The following FAM153A variants were observed in gnomAD, a reference collection of about 807,000 sequenced individuals.
The protein encoded by FAM153A is protein FAM153A.
In FAM153A, 12 loss-of-function variants were observed where a neutral mutation model predicts 48.1. That is an observed-to-expected ratio of 0.25 (90% CI 0.16 to 0.40). The LOEUF (loss-of-function observed/expected upper bound fraction) is 0.40, where lower values mean the gene tolerates loss of function less well. FAM153A is among the 10% of genes least tolerant of loss of function. FAM153A has a pLI of 1.00. For synonymous variants in FAM153A, 36 were observed against 118.2 expected (o/e 0.30, Z 4.51); for missense variants, 111 against 345.8 (o/e 0.32, Z 5.38).
At chr5:177,736,978 C>A in intron 11 of FAM153A, 64 bp downstream of exon 13, 2 of 1,298,034 alleles carry the variant, frequency 1.5e-6, no homozygotes, top group Non-Finnish European at 2.1e-6. Flanking sequence ...CATCTTAATT[C>A]AATTGAAACA....
the FAM153A span, among the ~76,000 whole-genome samples, chr5:177,702,564 A>G: frequency 4.6e-5 from 7 of 151,876 alleles, no homozygotes; most frequent in African/African-American, 1.5e-4. Context: ...TAGCCAAGAC[A>G]ATGGGGGAAA....
upstream of FAM153A, among the ~76,000 whole-genome samples, chr5:177,754,647 G>A (rs535135163): frequency 1.4e-4 from 22 of 151,890 alleles, no homozygotes; most frequent in South Asian, 4.0e-3. Flanking sequence ...ACTTCCAGAG[G>A]AACAATCAGG....
intron 1 of FAM153A, among the ~76,000 whole-genome samples, chr5:177,766,230 CTA>C (rs1768751028): frequency 9.5e-6 from 1 of 105,234 alleles, no homozygotes; most frequent in Admixed American, 1.0e-4. Context: ...CTGCCACTTC[CTA>C]TATATAAAAA....
upstream of FAM153A, chr5:177,753,236 T>C (rs1767281450): frequency 4.4e-6 from 7 of 1,595,938 alleles, no homozygotes; most frequent in Non-Finnish European, 6.0e-6. Context: ...CTAAGCTGCG[T>C]TTACTGCCAA....
At chr5:177,764,173 C>A (rs1265697579) in intron 1 of FAM153A, among the ~76,000 whole-genome samples, 29 of 136,118 alleles carry the variant, frequency 2.1e-4, no homozygotes, top group African/African-American at 6.1e-4. Flanking sequence ...CTAGGCTGGG[C>A]CCAATGAAGA....
rs992739509 is a variant in FAM153A, at chr5:177,734,203, A to G, written c.760+177T>C. Reference sequence around the variant, plus strand: ...GAACACAGCTGCTCCCGGGGACTGCAGAATGTGGCCACTGTTTCTTATCTA... The same window carrying G: ...GAACACAGCTGCTCCCGGGGACTGCGGAATGTGGCCACTGTTTCTTATCTA... On this transcript the variant is annotated intron_variant, in intron 14 of 20. Coordinates refer to ENST00000614127, the Ensembl canonical transcript of FAM153A. Among the ~76,000 whole-genome samples the G allele has an allele frequency of 1.8e-4, 20 of 112,918 alleles. 2 individuals are homozygous for G. The highest frequency in any genetic ancestry group is 6.2e-4 in the African/African-American group (20 of 32,504). 74.1% of individuals were successfully genotyped at this position (112,918 alleles called of 152,430 possible). A position where few individuals can be genotyped will look rare whatever the true frequency, so the allele number is the denominator to read the frequency against.
intron 1 of FAM153A, among the ~76,000 whole-genome samples, chr5:177,771,748 G>C (rs1252162982): frequency 1.0e-5 from 1 of 96,930 alleles, no homozygotes; most frequent in Non-Finnish European, 2.1e-5. Context: ...CGGAATGTGG[G>C]TACATGTGAG....
At chr5:177,715,729 C>T (rs939702228) in intron 25 of FAM153A, among the ~76,000 whole-genome samples, 1 of 151,722 alleles carries the variant, frequency 6.6e-6, no homozygotes, top group Non-Finnish European at 1.5e-5. Context: ...GTTTTAGAGA[C>T]AGGGCCCACT....
At chr5:177,701,546 C>T in the FAM153A span, among the ~76,000 whole-genome samples, 3 of 151,542 alleles carry the variant, frequency 2.0e-5, no homozygotes, top group African/African-American at 7.3e-5. Context: ...GCCTGGGTGA[C>T]AGAGTGAGAC....
chr5:177,700,796 T>C, the FAM153A span, among the ~76,000 whole-genome samples: 1 of 151,828 alleles, frequency 6.6e-6, no homozygotes, highest in African/African-American at 2.4e-5. Context: ...AGCAAGACTC[T>C]GTCTCAAAAC....
At chr5:177,749,862 T>C (rs1021619575) in intron 2 of FAM153A, among the ~76,000 whole-genome samples, 2 of 141,118 alleles carry the variant, frequency 1.4e-5, no homozygotes, top group East Asian at 2.3e-4. Context: ...ATGGAAAACA[T>C]AGTCTTACCA....
the FAM153A span, among the ~76,000 whole-genome samples, chr5:177,694,270 G>A: frequency 0.092 from 13,650 of 148,760 alleles, 736 homozygotes; most frequent in African/African-American, 0.12. Context: ...TGGGTCAAAC[G>A]CTTCCACATG....
At chr5:177,700,491 A>G in the FAM153A span, among the ~76,000 whole-genome samples, 1 of 151,882 alleles carries the variant, frequency 6.6e-6, no homozygotes, top group Non-Finnish European at 1.5e-5. Context: ...AGGTTTCAGG[A>G]TACAGGACCA....
At position 177,739,057 on chromosome 5, in the gene FAM153A, A is replaced by T. The variant is rs560565734; in HGVS notation, c.562+56T>A. ...CAGAAAACGCAGGCAAGAACGTGTC[A>T]CCTTTCTCAACACTAAGATTTTTCC... On this transcript the variant is annotated intron_variant, in intron 10 of 20. Coordinates refer to ENST00000614127, the Ensembl canonical transcript of FAM153A. 17 of 1,581,976 alleles carry T rather than the reference A, an allele frequency of 1.1e-5. No homozygotes were observed. In the East Asian group the frequency reaches 3.6e-4, roughly 33 times the overall value.
chr5:177,734,031 C>T (rs1030579641), intron 14 of FAM153A, among the ~76,000 whole-genome samples: 8 of 115,012 alleles, frequency 7.0e-5, no homozygotes, highest in African/African-American at 2.3e-4. Context: ...ATGGAAATCT[C>T]TGTTGAGAAT....
chr5:177,718,604 C>CT (rs763244878), downstream of FAM153A: 6 of 134,356 alleles, frequency 4.5e-5, no homozygotes, highest in Non-Finnish European at 8.5e-5. Flanking sequence ...CAATATCATC[C>CT]TTTAATAAAA....
chr5:177,708,926 C>G (rs1758098702), downstream of FAM153A, among the ~76,000 whole-genome samples: 1 of 150,888 alleles, frequency 6.6e-6, no homozygotes, highest in Non-Finnish European at 1.5e-5. Context: ...AACCCCGTCT[C>G]TACTAAAAAC....
chr5:177,779,044 AAAAAAC>A (rs1454682018), intron 1 of FAM153A, among the ~76,000 whole-genome samples: 2 of 150,010 alleles, frequency 1.3e-5, no homozygotes, highest in Admixed American at 1.3e-4. Flanking sequence ...CATAACTGGA[AAAAAAC>A]ATAACCATTG....
chr5:177,711,587 C>CT, exon 27 of FAM153A: 1 of 151,870 alleles, frequency 6.6e-6, no homozygotes, highest in South Asian at 2.1e-4. Context: ...TGGGTGAGTT[C>CT]TTATATATGT....
Sources: allele counts gnomAD v4.1 joint callset (sites outside exome capture counted in the v4.1 genomes callset), GRCh38; gene constraint gnomAD v4.1.1; transcripts MANE v1.5; gene names NCBI Gene and HGNC (gene_info 2026-07-23, HGNC 2026-07-21).